The following ASCC3 variants were observed in gnomAD, a reference collection of about 807,000 sequenced individuals.
ASCC3 encodes the protein activating signal cointegrator 1 complex subunit 3.
In ASCC3, 158 loss-of-function variants were observed where a neutral mutation model predicts 256.3. That is an observed-to-expected ratio of 0.62 (90% CI 0.54 to 0.70). ASCC3 has a LOEUF of 0.70. Among genes scored for constraint, ASCC3 ranks in the 30% least tolerant of loss-of-function variants. The pLI, the probability that ASCC3 is intolerant of heterozygous loss-of-function variation, is 0.00. For synonymous variants in ASCC3, 948 were observed against 883.4 expected, an observed-to-expected ratio of 1.07 and a Z score of -1.30; for missense variants, 2,259 against 2,626.0, an observed-to-expected ratio of 0.86 and a Z score of 3.05.
Position 100,605,586 on chromosome 6 carries a change from G to A in ASCC3, c.5159C>T (p.Pro1720Leu). The A allele has an allele frequency of 1.3e-6, 2 of 1,522,788 alleles. No homozygotes were observed. The highest frequency in any genetic ancestry group is 1.8e-6 in the Non-Finnish European group (2 of 1,097,684). The allele number at this position is 1,522,788 out of a possible 1,614,324, so 94.3% of individuals were successfully genotyped here. A position where few individuals can be genotyped will look rare whatever the true frequency, so the allele number is the denominator to read the frequency against. The change falls in exon 33 of 42, where the codon CCT becomes CTT. Residue 1720 changes from proline to leucine, a missense_variant. Pro to Leu is a moderately conservative substitution (Grantham distance 98). Coordinates refer to ENST00000369162, the MANE Select transcript of ASCC3 (RefSeq NM_006828.4). ...GATTTACCTTGATTCTACTGGGAAAGGTTCATAAAGAAATTTTTTATAAAA... is the reference window on the plus strand; with the variant it reads ...GATTTACCTTGATTCTACTGGGAAAAGTTCATAAAGAAATTTTTTATAAAA... ...KDFYKKFLYE[P>L]FPVESSLLGV... is the part of the protein sequence containing the mutation.
chr6:100,660,784 G>C (rs1386860045), intron 16 of ASCC3, among the ~76,000 whole-genome samples: 6 of 151,594 alleles, frequency 4.0e-5, no homozygotes, highest in African/African-American at 1.5e-4. Context: ...CATGAACCAA[G>C]ACTTTCCTGA....
chr6:100,538,899 A>G (rs1775298903), intron 37 of ASCC3, among the ~76,000 whole-genome samples: 2 of 152,172 alleles, frequency 1.3e-5, no homozygotes. Flanking sequence ...CAAAAAAGGT[A>G]TAAAGTAGAA....
In ASCC3 at chr6:100,774,353, G is replaced by A. The variant is rs557757159; in HGVS notation, c.1396-7008C>T. ...CACGTACATGTCATGACACGTGCAT[G>A]TCACCACACCTGACTAACTTTTTTT... On this transcript the variant is annotated intron_variant, in intron 8 of 41. Coordinates refer to ENST00000369162, the MANE Select transcript of ASCC3 (RefSeq NM_006828.4). Among the ~76,000 whole-genome samples the A allele has an allele frequency of 2.7e-5, 4 of 150,788 alleles. No homozygotes were observed. The East Asian group carries it at 7.8e-4, about 29-fold the overall frequency.
intron 37 of ASCC3, among the ~76,000 whole-genome samples, chr6:100,522,582 G>A (rs1316412051): frequency 6.6e-6 from 1 of 151,798 alleles, no homozygotes; most frequent in African/African-American, 2.4e-5. Flanking sequence ...AAATGAACAC[G>A]CATGGAGCAG....
chr6:100,764,678 T>G (rs1388554921), intron 10 of ASCC3, among the ~76,000 whole-genome samples: 1 of 152,142 alleles, frequency 6.6e-6, no homozygotes, highest in Non-Finnish European at 1.5e-5. Context: ...ATATTTCTAT[T>G]TATTTATTTA....
At chr6:100,602,636 T>C (rs17245494) in intron 33 of ASCC3, among the ~76,000 whole-genome samples, 4,246 of 152,130 alleles carry the variant, frequency 0.028, 95 homozygotes, top group Non-Finnish European at 0.042. Flanking sequence ...AGATGCTATT[T>C]AGAACAGAAA....
intron 25 of ASCC3, among the ~76,000 whole-genome samples, chr6:100,634,636 T>C (rs555801614): frequency 7.9e-5 from 12 of 151,964 alleles, no homozygotes; most frequent in African/African-American, 2.7e-4. Flanking sequence ...ATTGGATACA[T>C]GAAAAGGTGC....
At chr6:100,772,847 G>A (rs1301148050) in intron 8 of ASCC3, among the ~76,000 whole-genome samples, 1 of 152,170 alleles carries the variant, frequency 6.6e-6, no homozygotes, top group African/African-American at 2.4e-5. Flanking sequence ...AATACTGCAA[G>A]TATGACCCGC....
intron 36 of ASCC3, among the ~76,000 whole-genome samples, chr6:100,541,723 A>C (rs1271237629): frequency 6.6e-6 from 1 of 152,216 alleles, no homozygotes; most frequent in Non-Finnish European, 1.5e-5. Context: ...AATGATTATC[A>C]ACTATGCAAA....
At chr6:100,711,618 T>C (rs1582738967) in intron 13 of ASCC3, among the ~76,000 whole-genome samples, 1 of 152,102 alleles carries the variant, frequency 6.6e-6, no homozygotes, top group Non-Finnish European at 1.5e-5. Context: ...TAATCCCAGC[T>C]ACTTGGGAGG....
At chr6:100,645,525 T>C (rs1340971606) in intron 22 of ASCC3, among the ~76,000 whole-genome samples, 2 of 152,260 alleles carry the variant, frequency 1.3e-5, no homozygotes, top group Non-Finnish European at 2.9e-5. Flanking sequence ...ATGCAGAAGA[T>C]ACTTATTTAA....
chr6:100,690,161 A>C (rs1010687058), intron 13 of ASCC3, among the ~76,000 whole-genome samples: 3 of 152,138 alleles, frequency 2.0e-5, no homozygotes, highest in African/African-American at 7.2e-5. Context: ...TAACCTATGC[A>C]CATCCTTCTG....
chr6:100,687,011 A>ATC lies in ASCC3; in HGVS notation c.2152-7261_2152-7260dup, dbSNP rs374661172. On this transcript the variant is annotated intron_variant, in intron 13 of 41. Coordinates refer to ENST00000369162, the MANE Select transcript of ASCC3 (RefSeq NM_006828.4). The stretch of plus-strand genomic sequence containing the variant: ...CGTAGTTCATTTTTTCTGTACTTAA[A>ATC]TCTCTCTCTCTCTCTCTCTCTCTCA... 1.0e-3 allele frequency among the ~76,000 whole-genome samples: 147 copies of ATC among 141,630 alleles called. 1 individual carries two copies. The highest frequency in any genetic ancestry group is 3.6e-3 in the Middle Eastern group (1 of 276). The allele number at this position is 141,630 out of a possible 152,430, so 92.9% of individuals were successfully genotyped here.
chr6:100,511,772 C>T (rs1451319296), intron 40 of ASCC3, among the ~76,000 whole-genome samples: 2 of 151,852 alleles, frequency 1.3e-5, no homozygotes, highest in African/African-American at 2.4e-5. Flanking sequence ...TTAATACTTA[C>T]ACTGACAGAC....
chr6:100,719,726 T>A (rs1582752246), intron 11 of ASCC3, among the ~76,000 whole-genome samples: 1 of 152,090 alleles, frequency 6.6e-6, no homozygotes, highest in East Asian at 1.9e-4. Context: ...GTATTAATTA[T>A]TGACAATTAC....
chr6:100,587,948 T>C (rs1185604712), intron 36 of ASCC3, among the ~76,000 whole-genome samples: 1 of 152,176 alleles, frequency 6.6e-6, no homozygotes, highest in Non-Finnish European at 1.5e-5. Flanking sequence ...AGGCATATGA[T>C]TTTCACAAAC....
intron 36 of ASCC3, among the ~76,000 whole-genome samples, chr6:100,545,366 C>T (rs190764982): frequency 1.1e-3 from 165 of 152,202 alleles, no homozygotes; most frequent in South Asian, 3.1e-3. Context: ...TTAGTAGAGA[C>T]GGGGTTTCAC....
rs1277406519 is a variant in ASCC3, at chr6:100,718,290, T to C, written c.1903-39A>G. The stretch of plus-strand genomic sequence containing the variant: ...TTTAATTAAATATGGGTTATTTAAA[T>C]TAATTTAACCAAAAAACATTATAAT... On this transcript the variant is annotated intron_variant, in intron 11 of 41. Coordinates refer to ENST00000369162, the MANE Select transcript of ASCC3 (RefSeq NM_006828.4). The C allele has an allele frequency of 1.3e-6, 2 of 1,499,682 alleles. No individual in the cohort carries two copies. The highest frequency in any genetic ancestry group is 1.8e-6 in the Non-Finnish European group (2 of 1,101,360). 92.9% of individuals were successfully genotyped at this position (1,499,682 alleles called of 1,614,324 possible). A position where few individuals can be genotyped will look rare whatever the true frequency, so the allele number is the denominator to read the frequency against.
chr6:100,756,457 C>A (rs914707131), intron 10 of ASCC3, among the ~76,000 whole-genome samples: 1 of 152,014 alleles, frequency 6.6e-6, no homozygotes, highest in Non-Finnish European at 1.5e-5. Context: ...GTCTTAATCA[C>A]TATTCTGTGA....
Sources: gnomAD v4.1 joint callset for allele counts (sites outside exome capture counted in the v4.1 genomes callset) on GRCh38, gnomAD v4.1.1 for gene constraint, MANE v1.5 for transcripts, NCBI Gene and HGNC (gene_info 2026-07-23, HGNC 2026-07-21) for gene names.